SATB1: variants seen among roughly 807,000 people sequenced by gnomAD.
SATB1 encodes DNA-binding protein SATB1.
A neutral mutation model predicts 86.9 loss-of-function variants in SATB1; 11 were observed. The ratio of observed to expected loss-of-function variants is 0.13; its 90% confidence interval spans 0.08 to 0.21. The LOEUF is 0.21. Among genes scored for constraint, SATB1 ranks in the 10% least tolerant of loss-of-function variants. SATB1 has a pLI of 1.00. For synonymous variants in SATB1, 357 were observed against 357.2 expected (o/e 1.00, Z 0.01); for missense variants, 551 against 937.6 (o/e 0.59, Z 5.39).
chr3:18,406,812 C>A (rs1697560775), intron 5 of SATB1, among the ~76,000 whole-genome samples: 1 of 151,968 alleles, frequency 6.6e-6, no homozygotes, highest in South Asian at 2.1e-4. Flanking sequence ...GAAAATATTT[C>A]ATAAGATAGG....
chr3:18,349,880 A>T lies in SATB1; in HGVS notation c.1780-198T>A, dbSNP rs1273090794. ...ATCAAAATGATATGACTAGGAAGGG[A>T]TGAATTAAGACAGCTTTGGGGGGCT... On this transcript the variant is annotated intron_variant, in intron 10 of 10. Coordinates refer to ENST00000338745, the MANE Select transcript of SATB1 (RefSeq NM_002971.6). This position sits in a 1 kb window ranked among gnomAD's most constrained non-coding sequence, Gnocchi z 5.5. The T allele has an allele frequency of 6.3e-6, 6 of 945,260 alleles. No homozygotes were observed. The Admixed American group carries it at 1.5e-4, about 24-fold the overall frequency. The allele number at this position is 945,260 out of a possible 1,614,324, so 58.6% of individuals were successfully genotyped here.
At chr3:18,374,354 CTAT>C (rs1451434321) in intron 9 of SATB1, among the ~76,000 whole-genome samples, 1 of 152,144 alleles carries the variant, frequency 6.6e-6, no homozygotes, top group Non-Finnish European at 1.5e-5. Flanking sequence ...CCCAAATCAA[CTAT>C]TTTTTTAAAC....
chr3:18,383,675 CTTTAT>C (rs10575786), intron 8 of SATB1, among the ~76,000 whole-genome samples: 4,514 of 152,100 alleles, frequency 0.03, 229 homozygotes, highest in African/African-American at 0.1. Context: ...CCATTTTATC[CTTTAT>C]TTTAACTCAT....
rs1694200705 is a variant in SATB1 at position 18,348,917 on chromosome 3, T to C, written c.*253A>G. On this transcript the variant is annotated 3_prime_UTR_variant, in exon 11 of 11. Coordinates refer to ENST00000338745, the MANE Select transcript of SATB1 (RefSeq NM_002971.6). ...CTTACGGGGTACACACTTTGGTGCATCCCGTGAACACAAATTTTAATACCA... is the reference window on the plus strand; with the variant it reads ...CTTACGGGGTACACACTTTGGTGCACCCCGTGAACACAAATTTTAATACCA... The C allele has an allele frequency of 3.8e-6, 2 of 528,528 alleles. No individual in the cohort carries two copies. The highest frequency in any genetic ancestry group is 6.5e-6 in the Non-Finnish European group (2 of 306,538). The allele number at this position is 528,528 out of a possible 1,614,324, so 32.7% of individuals were successfully genotyped here.
At chr3:18,397,446 T>C (rs1697021586) in intron 5 of SATB1, among the ~76,000 whole-genome samples, 156 bp from the exon 6 acceptor site, 1 of 152,124 alleles carries the variant, frequency 6.6e-6, no homozygotes, top group African/African-American at 2.4e-5. Context: ...TTCTTAATAT[T>C]CATTAAGTAG....
intron 9 of SATB1, among the ~76,000 whole-genome samples, chr3:18,356,499 A>G (rs1051688919): frequency 6.6e-6 from 1 of 151,756 alleles, no homozygotes; most frequent in Non-Finnish European, 1.5e-5. Flanking sequence ...AAACTCAATG[A>G]TAACACAATG....
At chr3:18,362,881 A>C (rs9310550) in intron 9 of SATB1, among the ~76,000 whole-genome samples, 4,678 of 108,278 alleles carry the variant, frequency 0.043, 362 homozygotes, top group African/African-American at 0.15. Flanking sequence ...AAAAAAAAAA[A>C]CCAAAACCCC....
At chr3:18,400,369 CAT>C (rs954122957) in intron 5 of SATB1, among the ~76,000 whole-genome samples, 1 of 152,224 alleles carries the variant, frequency 6.6e-6, no homozygotes, top group East Asian at 1.9e-4. Context: ...TAGAAATAAA[CAT>C]ATATTCAAGT....
At chr3:18,375,868 G>C (rs905731487) in intron 9 of SATB1, among the ~76,000 whole-genome samples, 1 of 152,138 alleles carries the variant, frequency 6.6e-6, no homozygotes, top group Non-Finnish European at 1.5e-5. Context: ...ATTAGAAGTT[G>C]AGAATAACTA....
intron 5 of SATB1, among the ~76,000 whole-genome samples, chr3:18,399,059 A>T (rs530613962): frequency 1.1e-4 from 17 of 152,302 alleles, no homozygotes; most frequent in East Asian, 9.7e-4. Context: ...TCCAATTTTT[A>T]AAAAAATTAT....
chr3:18,352,215 T>C lies in SATB1; in HGVS notation c.1576-20A>G. ...CCATCCCTTAGAGACAAGGGCATAA[T>C]AGGTCAGTTTGTGCCTATGAGAGGG... On this transcript the variant is annotated intron_variant, in intron 9 of 10. Coordinates refer to ENST00000338745, the MANE Select transcript of SATB1 (RefSeq NM_002971.6). This position sits in a 1 kb window ranked among gnomAD's most constrained non-coding sequence, Gnocchi z 4.1. 3.7e-6 allele frequency: 6 copies of C among 1,611,456 alleles called. No homozygotes were observed. Among genetic ancestry groups the C allele is most frequent in the East Asian group, 2.2e-5 (1 of 44,874 alleles).
chr3:18,430,987 C>T (rs1471843014), intron 2 of SATB1, among the ~76,000 whole-genome samples: 1 of 152,146 alleles, frequency 6.6e-6, no homozygotes, highest in African/African-American at 2.4e-5. Context: ...GGGCCTTTTA[C>T]TCAGAAACAA....
At chr3:18,359,379 A>G (rs1223564273) in intron 9 of SATB1, among the ~76,000 whole-genome samples, 1 of 151,922 alleles carries the variant, frequency 6.6e-6, no homozygotes, top group Non-Finnish European at 1.5e-5. Context: ...AAGGGGGGAG[A>G]AAAAAACAAA....
intron 7 of SATB1, among the ~76,000 whole-genome samples, chr3:18,393,063 C>A (rs1398933457): frequency 1.3e-5 from 2 of 151,410 alleles, no homozygotes; most frequent in Non-Finnish European, 2.9e-5. Flanking sequence ...TTAAGGCACG[C>A]CAAAAATAAG....
rs11293560 is a variant in SATB1, at chr3:18,370,576, G to GA, written c.1575+7593dup. ...AAGAAAAAAGAAAAAGAAAAGAAAA[G>GA]AAAAAAAAAACCCTAAAAACAAGGA... On this transcript the variant is annotated intron_variant, in intron 9 of 10. Coordinates refer to ENST00000338745, the MANE Select transcript of SATB1 (RefSeq NM_002971.6). Among the ~76,000 whole-genome samples the GA allele has an allele frequency of 3.3e-3, 282 of 86,150 alleles. 3 individuals are homozygous for GA. The highest frequency in any genetic ancestry group is 2.0e-3 in the Non-Finnish European group (70 of 35,294). 56.5% of individuals were successfully genotyped at this position (86,150 alleles called of 152,430 possible).
intron 5 of SATB1, among the ~76,000 whole-genome samples, chr3:18,405,092 C>A (rs1319595873): frequency 6.6e-6 from 1 of 151,904 alleles, no homozygotes; most frequent in East Asian, 1.9e-4. Flanking sequence ...GGTTACGACC[C>A]CATTGGCATC....
rs1464818335 is a variant in SATB1, at chr3:18,345,640, T to C, written c.*3530A>G. 6.6e-6 allele frequency: 1 copy of C among 152,108 alleles called. No individual in the cohort carries two copies. Among genetic ancestry groups the C allele is most frequent in the East Asian group, 1.9e-4 (1 of 5,196 alleles). 9.4% of individuals were successfully genotyped at this position (152,108 alleles called of 1,614,324 possible). A position where few individuals can be genotyped will look rare whatever the true frequency, so the allele number is the denominator to read the frequency against. On this transcript the variant is annotated 3_prime_UTR_variant, in exon 11 of 11. Transcript: ENST00000338745. ...AGTCAAAAATATGCATAAAGAAGACTAGTATTGATATTTTCTGATATTTTA... is the reference window on the plus strand; with the variant it reads ...AGTCAAAAATATGCATAAAGAAGACCAGTATTGATATTTTCTGATATTTTA...
intron 9 of SATB1, among the ~76,000 whole-genome samples, chr3:18,362,435 A>T (rs1318419572): frequency 2.6e-5 from 4 of 152,006 alleles, no homozygotes; most frequent in African/African-American, 9.7e-5. Flanking sequence ...AAGATACAAA[A>T]ATGGCCCAAT....
At chr3:18,418,203 C>T (rs1343922061) in intron 2 of SATB1, among the ~76,000 whole-genome samples, 2 of 152,182 alleles carry the variant, frequency 1.3e-5, no homozygotes, top group South Asian at 2.1e-4. Context: ...TCTATAAGCT[C>T]TGTCCTCTGG....
Sources: allele counts gnomAD v4.1 joint callset (sites outside exome capture counted in the v4.1 genomes callset), GRCh38; gene constraint gnomAD v4.1.1; non-coding constraint Gnocchi (gnomAD v3.1); transcripts MANE v1.5; gene names NCBI Gene and HGNC (gene_info 2026-07-23, HGNC 2026-07-21).